SPATA13: variants seen among roughly 807,000 people sequenced by gnomAD.
The protein encoded by SPATA13 is spermatogenesis-associated protein 13.
Under a neutral mutation model 104.0 loss-of-function variants are expected in SPATA13, and 50 were observed. That is an observed-to-expected ratio of 0.48 (90% CI 0.38 to 0.61). SPATA13 has a LOEUF of 0.61. Among genes scored for constraint, SPATA13 ranks in the 20% least tolerant of loss-of-function variants. The pLI, the probability that SPATA13 is intolerant of heterozygous loss-of-function variation, is 0.00. For synonymous variants in SPATA13, 606 were observed against 667.5 expected (o/e 0.91, Z 1.42); for missense variants, 1,524 against 1,690.6 (o/e 0.90, Z 1.73).
At chr13:24,171,981 G>T (rs976607957) in intron 1 of SPATA13, among the ~76,000 whole-genome samples, 1 of 152,036 alleles carries the variant, frequency 6.6e-6, no homozygotes, top group Non-Finnish European at 1.5e-5. Context: ...CAGATTCTCC[G>T]AATGATGACA....
intron 3 of SPATA13, among the ~76,000 whole-genome samples, chr13:24,108,331 T>C (rs1308195616): frequency 6.6e-6 from 1 of 152,214 alleles, no homozygotes; most frequent in East Asian, 1.9e-4. Context: ...CTTCGCACCT[T>C]TGCACCGAGG....
intron 3 of SPATA13, among the ~76,000 whole-genome samples, chr13:24,101,081 C>A (rs763347624): frequency 6.6e-6 from 1 of 152,162 alleles, no homozygotes; most frequent in African/African-American, 2.4e-5. Context: ...GGGAAATTCG[C>A]ATACACTTGA....
chr13:24,071,955 T>C (rs1485726103), intron 3 of SPATA13, among the ~76,000 whole-genome samples: 1 of 152,204 alleles, frequency 6.6e-6, no homozygotes, highest in African/African-American at 2.4e-5. Flanking sequence ...TGGCAAGGTA[T>C]TGGTGGTGGT....
chr13:24,147,915 AG>A (rs1881985773), intron 3 of SPATA13, among the ~76,000 whole-genome samples: 1 of 152,206 alleles, frequency 6.6e-6, no homozygotes, highest in African/African-American at 2.4e-5. Flanking sequence ...TCCATGTTGT[AG>A]CATGTGTCTG....
chr13:24,089,104 G>T (rs957912137), intron 3 of SPATA13, among the ~76,000 whole-genome samples: 6 of 152,194 alleles, frequency 3.9e-5, no homozygotes, highest in Non-Finnish European at 8.8e-5. Flanking sequence ...TGTGTCAGGG[G>T]ACACAACCTT....
At chr13:23,999,402 AT>A (rs1423168042) in intron 2 of SPATA13, among the ~76,000 whole-genome samples, 2 of 131,272 alleles carry the variant, frequency 1.5e-5, no homozygotes, top group Admixed American at 1.6e-4. Context: ...CTGTTCGGAT[AT>A]TGATTAGCAT....
intron 3 of SPATA13, among the ~76,000 whole-genome samples, chr13:24,098,693 C>A (rs1320502061): frequency 6.6e-6 from 1 of 151,888 alleles, no homozygotes; most frequent in Admixed American, 6.6e-5. Context: ...CTTTGGAAGG[C>A]TGAGGCAGGT....
chr13:24,273,591 A>G (rs1484481982), intron 4 of SPATA13, among the ~76,000 whole-genome samples: 1 of 152,244 alleles, frequency 6.6e-6, no homozygotes, highest in Non-Finnish European at 1.5e-5. Flanking sequence ...AACACTGACT[A>G]TTAAGCATGT....
Position 24,249,849 on chromosome 13 carries a change from T to A in SPATA13, c.2019+7T>A. On this transcript the variant is annotated splice_region_variant and intron_variant, in intron 3 of 12. Transcript: ENST00000382108. ...GGACAATCTTCTGACCCAAGTAAGATCTGGTGTGCACTTCCCCAAGCCAGC... is the reference window on the plus strand; with the variant it reads ...GGACAATCTTCTGACCCAAGTAAGAACTGGTGTGCACTTCCCCAAGCCAGC... The A allele has an allele frequency of 6.3e-7, 1 of 1,587,500 alleles. No individual in the cohort carries two copies. The highest frequency in any genetic ancestry group is 8.6e-7 in the Non-Finnish European group (1 of 1,166,010).
chr13:23,992,803 C>G (rs1283369984), intron 2 of SPATA13, among the ~76,000 whole-genome samples: 1 of 152,174 alleles, frequency 6.6e-6, no homozygotes, highest in African/African-American at 2.4e-5. Context: ...ACGTTTGGCT[C>G]CACAATGCTG....
chr13:24,254,646 C>T (rs144664315), intron 4 of SPATA13, among the ~76,000 whole-genome samples: 2 of 152,262 alleles, frequency 1.3e-5, no homozygotes, highest in Admixed American at 6.5e-5. Flanking sequence ...GACAAATCAC[C>T]ACCCCCTCTA....
intron 3 of SPATA13, among the ~76,000 whole-genome samples, chr13:24,130,516 C>T (rs1232671749): frequency 2.6e-5 from 4 of 152,180 alleles, no homozygotes; most frequent in Non-Finnish European, 4.4e-5. Context: ...GGTCAGTGTT[C>T]TGATTTATTG....
At position 24,306,012 on chromosome 13, in the gene SPATA13, A is replaced by C. The variant is rs1441725918; in HGVS notation, c.*3239A>C. 1 of 152,182 alleles carries C rather than the reference A, an allele frequency of 6.6e-6. No homozygotes were observed. Among genetic ancestry groups the C allele is most frequent in the Non-Finnish European group, 1.5e-5 (1 of 68,026 alleles). The allele number at this position is 152,182 out of a possible 1,614,324, so 9.4% of individuals were successfully genotyped here. A position where few individuals can be genotyped will look rare whatever the true frequency, so the allele number is the denominator to read the frequency against. Reference sequence around the variant, plus strand: ...GATACCAGCCACATGGTTTCTTTTCATTAGATCTGATTTTTGTTTCCCACT... The same window carrying C: ...GATACCAGCCACATGGTTTCTTTTCCTTAGATCTGATTTTTGTTTCCCACT... On this transcript the variant is annotated 3_prime_UTR_variant, in exon 13 of 13. Coordinates refer to ENST00000382108, the MANE Select transcript of SPATA13 (RefSeq NM_001166271.3).
intron 1 of SPATA13, among the ~76,000 whole-genome samples, chr13:24,191,245 G>A (rs927366433): frequency 2.0e-5 from 3 of 151,962 alleles, no homozygotes; most frequent in Non-Finnish European, 4.4e-5. Flanking sequence ...CAAAATGTTG[G>A]GATTATAGAC....
chr13:24,043,132 A>G (rs1383993592), intron 3 of SPATA13, among the ~76,000 whole-genome samples: 1 of 152,132 alleles, frequency 6.6e-6, no homozygotes, highest in East Asian at 1.9e-4. Context: ...CACATAGAGG[A>G]ACATCAGCAG....
rs78933226 is a variant in SPATA13 at position 24,081,266 on chromosome 13, A to G, written c.-112+63565A>G. On this transcript the variant is annotated intron_variant, in intron 3 of 14. Coordinates refer to the SPATA13 transcript ENST00000424834. ...TTTTTGGAGGGGACAAAAAGTGAAG[A>G]GTTGAGTTAATCATACAAAGTTCAC... is the stretch of plus-strand genomic sequence containing the variant. 2.4e-3 allele frequency among the ~76,000 whole-genome samples: 367 copies of G among 152,326 alleles called. 10 individuals are homozygous for G. In the East Asian group the frequency reaches 0.047, roughly 20 times the overall value.
At chr13:24,242,154 A>T (rs1220595) in intron 2 of SPATA13, among the ~76,000 whole-genome samples, 151,907 of 152,308 alleles carry the variant, frequency 1, 75,755 homozygotes, top group Middle Eastern at 1. Flanking sequence ...CAAAATCGAC[A>T]CTTGGTTCCA....
At chr13:24,013,357 A>T (rs1403281294) in intron 2 of SPATA13, among the ~76,000 whole-genome samples, 1 of 152,164 alleles carries the variant, frequency 6.6e-6, no homozygotes, top group Non-Finnish European at 1.5e-5. Context: ...TGGGCTGACG[A>T]TCCTCTCCCA....
At chr13:24,168,949 T>C (rs1882850830) in intron 1 of SPATA13, among the ~76,000 whole-genome samples, 1 of 152,056 alleles carries the variant, frequency 6.6e-6, no homozygotes, top group Non-Finnish European at 1.5e-5. Flanking sequence ...CTTTCTACCT[T>C]TGACTTTTCT....
Sources: allele counts gnomAD v4.1 joint callset (sites outside exome capture counted in the v4.1 genomes callset), GRCh38; gene constraint gnomAD v4.1.1; transcripts MANE v1.5; gene names NCBI Gene and HGNC (gene_info 2026-07-23, HGNC 2026-07-21).